NHLRC2: variants seen among roughly 807,000 people sequenced by gnomAD.
NHLRC2 encodes NHL repeat containing 2.
NHLRC2 carries 33 observed loss-of-function variants against 68.1 expected under a neutral mutation model. The observed-to-expected ratio is 0.48, with a 90% confidence interval of 0.37 to 0.65. The LOEUF (loss-of-function observed/expected upper bound fraction) is 0.65, where lower values mean the gene tolerates loss of function less well. NHLRC2 is among the 30% of genes least tolerant of loss of function. The pLI is 0.00. For missense variants in NHLRC2, 761 were observed against 853.8 expected (o/e 0.89, Z 1.35); for synonymous variants, 311 against 309.6 (o/e 1.00, Z -0.05).
chr10:113,874,300 A>G (rs897002971), intron 2 of NHLRC2, among the ~76,000 whole-genome samples: 4 of 152,270 alleles, frequency 2.6e-5, no homozygotes, highest in Admixed American at 1.3e-4. Flanking sequence ...TGCAAATGAG[A>G]AAACAGATGA....
Position 113,904,923 on chromosome 10 carries a change from C to T in NHLRC2, c.1811C>T (p.Ser604Phe). The change falls in exon 10 of 11, where the codon TCC becomes TTC. Residue 604 changes from serine (S) to phenylalanine (F), a missense_variant. By Grantham distance (155) the Ser-to-Phe change is radical. Transcript: ENST00000369301. ...AAATCTGCTCCAAGCATTAGGCTTT[C>T]CCCCGTGACTGCGTGTGCTGGCCAG... The part of the protein sequence containing the change: ...LPKSAPSIRL[S>F]PVTACAGQTL... 6.2e-7 allele frequency: 1 copy of T among 1,605,396 alleles called. No homozygotes were observed.
At chr10:113,894,210 C>T (rs1398120138) in intron 5 of NHLRC2, among the ~76,000 whole-genome samples, 1 of 152,128 alleles carries the variant, frequency 6.6e-6, no homozygotes, top group East Asian at 1.9e-4. Flanking sequence ...TTTTCATTTA[C>T]TTGGTCAACC....
In NHLRC2 at chr10:113,904,978, C is replaced by T. The variant is rs765664161; in HGVS notation, c.1866C>T (p.Leu622=). ...TTCAGTTCAAACTCAGATTAGACCT[C>T]CCATCAGGATCAAAGCTAACTGAAG... ...QTLQFKLRLD[L]PSGSKLTEGV... Residue 622 remains leucine, a synonymous_variant, in exon 10 of 11, where the codon CTC becomes CTT. Coordinates refer to ENST00000369301, the MANE Select transcript of NHLRC2 (RefSeq NM_198514.4). 7 of 1,557,444 alleles carry T rather than the reference C, an allele frequency of 4.5e-6. No homozygotes were observed. The East Asian group carries it at 1.4e-4, about 30-fold the overall frequency.
At chr10:113,900,930 A>G (rs1437955254) in intron 6 of NHLRC2, among the ~76,000 whole-genome samples, 2 of 152,098 alleles carry the variant, frequency 1.3e-5, no homozygotes, top group Non-Finnish European at 1.5e-5. Flanking sequence ...AACACAACAC[A>G]CTACCATGTC....
intron 2 of NHLRC2, among the ~76,000 whole-genome samples, chr10:113,869,274 G>T (rs1014745124): frequency 1.3e-5 from 2 of 152,132 alleles, no homozygotes; most frequent in Non-Finnish European, 2.9e-5. Flanking sequence ...TCCTAGACTG[G>T]TTTTTTGCTT....
chr10:113,879,712 A>G lies in NHLRC2; in HGVS notation c.909+17A>G. 7.1e-7 allele frequency: 1 copy of G among 1,409,726 alleles called. No homozygotes were observed. Among genetic ancestry groups the G allele is most frequent in the Non-Finnish European group, 9.7e-7 (1 of 1,030,466 alleles). The allele number at this position is 1,409,726 out of a possible 1,614,324, so 87.3% of individuals were successfully genotyped here. On this transcript the variant is annotated intron_variant, in intron 4 of 10. Transcript: ENST00000369301. ...ATAAGAAAGGTAATTTTCATTTTAA[A>G]TTTGTTTTAATACTTACAATCAGAA...
chr10:113,870,473 T>C (rs1018671575), intron 2 of NHLRC2, among the ~76,000 whole-genome samples: 1 of 152,178 alleles, frequency 6.6e-6, no homozygotes, highest in Non-Finnish European at 1.5e-5. Context: ...ATAGAGAACT[T>C]CTTGACTTTT....
chr10:113,858,721 A>G lies in NHLRC2; in HGVS notation c.331+41A>G, dbSNP rs369800370. 95 of 1,490,206 alleles carry G rather than the reference A, an allele frequency of 6.4e-5. No individual in the cohort carries two copies. The African/African-American group carries it at 1.1e-3, about 17-fold the overall frequency. 92.3% of individuals were successfully genotyped at this position (1,490,206 alleles called of 1,614,324 possible). On this transcript the variant is annotated intron_variant, in intron 2 of 10. Coordinates refer to ENST00000369301, the MANE Select transcript of NHLRC2 (RefSeq NM_198514.4). Reference sequence around the variant, plus strand: ...TTAGTTTCTAACAGACTGTCCTGGCATAGTCACTGGAAGAGTGGCTGACTC... The same window carrying G: ...TTAGTTTCTAACAGACTGTCCTGGCGTAGTCACTGGAAGAGTGGCTGACTC...
chr10:113,893,652 AAAT>A (rs757692128), intron 5 of NHLRC2, among the ~76,000 whole-genome samples: 95 of 152,316 alleles, frequency 6.2e-4, no homozygotes, highest in Admixed American at 1.2e-3. Context: ...CATCTGAAGG[AAAT>A]AAGTACACAG....
chr10:113,862,484 C>CA (rs538717470), intron 2 of NHLRC2, among the ~76,000 whole-genome samples: 1,848 of 130,836 alleles, frequency 0.014, 24 homozygotes, highest in African/African-American at 0.028. Flanking sequence ...ATCAACTAAA[C>CA]AAAAAAAAAA....
At chr10:113,863,035 CACTT>C (rs1845831288) in intron 2 of NHLRC2, among the ~76,000 whole-genome samples, 2 of 151,988 alleles carry the variant, frequency 1.3e-5, no homozygotes, top group Admixed American at 1.3e-4. Context: ...TATAAACAGG[CACTT>C]AATAACAGAC....
At chr10:113,884,434 T>G in intron 5 of NHLRC2, 54 bp downstream of exon 5, 4 of 1,471,562 alleles carry the variant, frequency 2.7e-6, no homozygotes, top group Non-Finnish European at 3.8e-6. Flanking sequence ...CATGTAAGAT[T>G]TAAAAATATT....
intron 3 of NHLRC2, 82 bp downstream of exon 3, chr10:113,877,058 C>A (rs1361815427): frequency 1.2e-6 from 1 of 825,736 alleles, no homozygotes; most frequent in East Asian, 2.7e-5. Context: ...GTTGAAATGT[C>A]TAAATGAAAA....
At chr10:113,893,898 G>A (rs369233975) in intron 5 of NHLRC2, among the ~76,000 whole-genome samples, 1 of 152,288 alleles carries the variant, frequency 6.6e-6, no homozygotes, top group East Asian at 1.9e-4. Flanking sequence ...AGCTAAATTT[G>A]CCTAACTCAC....
chr10:113,870,806 C>T (rs1222448056), intron 2 of NHLRC2, among the ~76,000 whole-genome samples: 4 of 152,236 alleles, frequency 2.6e-5, no homozygotes, highest in East Asian at 1.9e-4. Flanking sequence ...ACTGTCTTGA[C>T]ATACTTTTTA....
intron 6 of NHLRC2, among the ~76,000 whole-genome samples, chr10:113,901,206 G>A (rs1216981758): frequency 6.6e-6 from 1 of 152,078 alleles, no homozygotes; most frequent in Non-Finnish European, 1.5e-5. Context: ...GCTGGTCTCT[G>A]TTTATATATA....
chr10:113,876,604 T>A lies in NHLRC2; in HGVS notation c.415T>A (p.Tyr139Asn). 1 of 1,613,638 alleles carries A rather than the reference T, an allele frequency of 6.2e-7. No homozygotes were observed. The highest frequency in any genetic ancestry group is 2.2e-5 in the East Asian group (1 of 44,866). ...LDNIKSAVLRYNITHPMVNDA... is the reference protein window; with the variant it reads ...LDNIKSAVLRNNITHPMVNDA... ...TAACATTAAGAGTGCTGTTCTTCGA[T>A]ACAACATCACCCACCCTATGGTTAA... Residue 139 changes from tyrosine (Y) to asparagine (N), a missense_variant, in exon 3 of 11, where the codon TAC becomes AAC. Transcript: ENST00000369301.
Position 113,898,169 on chromosome 10 carries a change from T to C in NHLRC2, c.1099T>C (p.Trp367Arg). Residue 367 changes from tryptophan to arginine, a missense_variant, in exon 6 of 11, where the codon TGG (tryptophan) becomes CGG (arginine). Coordinates refer to ENST00000369301, the MANE Select transcript of NHLRC2 (RefSeq NM_198514.4). ...AGCCATGGCAGGGACTCATCAGATA[T>C]GGGCACTCCTGCTGGACTCTGGCAA... ...WIAMAGTHQI[W>R]ALLLDSGKLP... is the part of the protein sequence containing the mutation. 6.2e-7 allele frequency: 1 copy of C among 1,613,136 alleles called. No individual in the cohort carries two copies. Among genetic ancestry groups the C allele is most frequent in the Non-Finnish European group, 8.5e-7 (1 of 1,179,172 alleles).
intron 1 of NHLRC2, among the ~76,000 whole-genome samples, chr10:113,857,318 A>T (rs1355572439): frequency 6.6e-6 from 1 of 152,160 alleles, no homozygotes; most frequent in African/African-American, 2.4e-5. Context: ...TACATTAATT[A>T]GTCTGAAGTT....
Sources: gnomAD v4.1 joint callset for allele counts (sites outside exome capture counted in the v4.1 genomes callset) on GRCh38, gnomAD v4.1.1 for gene constraint, MANE v1.5 for transcripts, NCBI Gene and HGNC (gene_info 2026-07-23, HGNC 2026-07-21) for gene names.